ACTR3C: variants seen among roughly 807,000 people sequenced by gnomAD.
ACTR3C encodes the protein actin-related protein 3C.
A neutral mutation model predicts 26.3 loss-of-function variants in ACTR3C; 18 were observed. The observed-to-expected ratio is 0.68, with a 90% CI of 0.47 to 1.01. The LOEUF (loss-of-function observed/expected upper bound fraction) is 1.01. Among genes scored for constraint, ACTR3C ranks in the 50% least tolerant of loss-of-function variants. The probability of loss-of-function intolerance (pLI) is 0.00; values close to 1 mark genes in which losing one functional copy is unlikely to be tolerated. For synonymous variants in ACTR3C, 55 were observed against 94.5 expected, an observed-to-expected ratio of 0.58 and a Z score of 2.42; for missense variants, 184 against 250.7, an observed-to-expected ratio of 0.73 and a Z score of 1.80.
chr7:150,047,931 C>G, the ACTR3C span: 1 of 1,265,834 alleles, frequency 7.9e-7, no homozygotes, highest in East Asian at 4.9e-5. Context: ...CTCCCCACCC[C>G]GCTCCAGATT....
At chr7:149,965,583 C>T in the ACTR3C span, among the ~76,000 whole-genome samples, 62 of 151,962 alleles carry the variant, frequency 4.1e-4, no homozygotes, top group African/African-American at 1.4e-3. Flanking sequence ...AGGGAAAAGG[C>T]CTTTGAGATC....
chr7:150,150,198 A>T, the ACTR3C span, among the ~76,000 whole-genome samples: 29 of 151,116 alleles, frequency 1.9e-4, no homozygotes, highest in East Asian at 5.6e-3. Flanking sequence ...TCAGGGATTG[A>T]TTTTCCATGC....
chr7:149,985,451 A>G, the ACTR3C span, among the ~76,000 whole-genome samples: 995 of 152,228 alleles, frequency 6.5e-3, 8 homozygotes, highest in African/African-American at 0.023. Context: ...CTTCTAGAAG[A>G]GCTTGACTTG....
chr7:150,164,542 T>C, the ACTR3C span, among the ~76,000 whole-genome samples: 1 of 151,952 alleles, frequency 6.6e-6, no homozygotes, highest in Non-Finnish European at 1.5e-5. Flanking sequence ...ATTATAATTT[T>C]ATTTCCTTAT....
At chr7:150,200,671 G>C in the ACTR3C span, among the ~76,000 whole-genome samples, 1 of 152,100 alleles carries the variant, frequency 6.6e-6, no homozygotes, top group Admixed American at 6.5e-5. Context: ...AAACTCTTTG[G>C]TAGTATAATA....
the ACTR3C span, among the ~76,000 whole-genome samples, chr7:150,039,837 C>T: frequency 3.3e-5 from 4 of 122,514 alleles, no homozygotes; most frequent in Admixed American, 7.7e-5. Flanking sequence ...CCGCCCCCAG[C>T]GATGGGGGTC....
chr7:150,259,788 C>T (rs1333642279), intron 6 of ACTR3C, among the ~76,000 whole-genome samples: 2 of 152,162 alleles, frequency 1.3e-5, no homozygotes, highest in Admixed American at 1.3e-4. Flanking sequence ...AAAATATTTG[C>T]TTCTCAAAGG....
the ACTR3C span, among the ~76,000 whole-genome samples, chr7:150,216,240 T>C: frequency 2.0e-5 from 3 of 152,252 alleles, no homozygotes; most frequent in African/African-American, 7.2e-5. Context: ...TCAGGACCTA[T>C]ATCCATGCTT....
the ACTR3C span, among the ~76,000 whole-genome samples, chr7:149,905,326 A>G: frequency 6.6e-6 from 1 of 152,018 alleles, no homozygotes; most frequent in Non-Finnish European, 1.5e-5. Context: ...CCAAATGGGA[A>G]TGCACTCTTT....
chr7:150,252,023 T>C (rs558377726), intron 6 of ACTR3C, among the ~76,000 whole-genome samples: 13 of 152,276 alleles, frequency 8.5e-5, no homozygotes, highest in African/African-American at 3.1e-4. Context: ...ACAGCTACCA[T>C]GAATAATGAG....
At chr7:150,088,212 T>C in the ACTR3C span, among the ~76,000 whole-genome samples, 1 of 152,240 alleles carries the variant, frequency 6.6e-6, no homozygotes, top group Admixed American at 6.5e-5. Flanking sequence ...GTTTTCCCTT[T>C]GTTGTTTGTG....
At chr7:150,113,671 CAG>C in the ACTR3C span, among the ~76,000 whole-genome samples, 1 of 152,206 alleles carries the variant, frequency 6.6e-6, no homozygotes, top group Non-Finnish European at 1.5e-5. Flanking sequence ...CCATAAAACT[CAG>C]GGGTGTAAAA....
the ACTR3C span, among the ~76,000 whole-genome samples, chr7:150,222,732 G>A: frequency 6.6e-6 from 1 of 152,190 alleles, no homozygotes; most frequent in East Asian, 1.9e-4. Context: ...CATTAATCAA[G>A]CTTGAACACT....
rs117425825 is a variant in ACTR3C at position 150,284,767 on chromosome 7, G to A, written c.550C>T (p.Arg184Cys). ...VIQNCPIDVRRPLYKMEQIPL... is the reference protein window; with the variant it reads ...VIQNCPIDVRCPLYKMEQIPL... ...GCAGCTCATACCTTATACAGCGGAC[G>A]CCGCACATCGATGGGGCAGTTCTGT... The change falls in exon 6 of 8, where the codon CGT becomes TGT. Residue 184 changes from arginine to cysteine, a missense_variant. By Grantham distance (180) the Arg-to-Cys change is radical (BLOSUM62 -3). Coordinates refer to ENST00000683684, the MANE Select transcript of ACTR3C (RefSeq NM_001164458.2). 0.036 allele frequency: 58,573 copies of A among 1,612,404 alleles called. 1,242 individuals are homozygous for A. Among genetic ancestry groups the A allele is most frequent in the South Asian group, 0.047 (4,251 of 90,682 alleles).
chr7:150,067,000 G>A, the ACTR3C span, among the ~76,000 whole-genome samples: 2 of 152,202 alleles, frequency 1.3e-5, no homozygotes, highest in African/African-American at 4.8e-5. Flanking sequence ...ATCAACCATG[G>A]AATGTGGGCA....
At chr7:150,086,368 G>C in the ACTR3C span, among the ~76,000 whole-genome samples, 1 of 152,228 alleles carries the variant, frequency 6.6e-6, no homozygotes, top group Non-Finnish European at 1.5e-5. Flanking sequence ...AAATTTGAAA[G>C]CTTCTATAAA....
the ACTR3C span, among the ~76,000 whole-genome samples, chr7:150,111,451 TACTC>T: frequency 1.4e-5 from 1 of 69,960 alleles, no homozygotes; most frequent in East Asian, 3.0e-4. Flanking sequence ...CTCCTCCCCA[TACTC>T]ACTCCCCCAC....
At chr7:149,963,631 A>G in the ACTR3C span, among the ~76,000 whole-genome samples, 1 of 152,180 alleles carries the variant, frequency 6.6e-6, no homozygotes, top group Non-Finnish European at 1.5e-5. Context: ...CCTCACATTG[A>G]CTAATCCCCA....
At chr7:150,296,939 C>T (rs1303472893) in intron 1 of ACTR3C, among the ~76,000 whole-genome samples, 22 of 151,738 alleles carry the variant, frequency 1.4e-4, no homozygotes, top group South Asian at 1.3e-3. Context: ...AAGAGGGCTG[C>T]GCCAGGAGCC....
Sources: gnomAD v4.1 joint callset for allele counts (sites outside exome capture counted in the v4.1 genomes callset) on GRCh38, gnomAD v4.1.1 for gene constraint, MANE v1.5 for transcripts, NCBI Gene and HGNC (gene_info 2026-07-23, HGNC 2026-07-21) for gene names.